The following CCDC7 variants were observed in gnomAD, a reference collection of about 807,000 sequenced individuals.
CCDC7 encodes the protein coiled-coil domain-containing protein 7.
CCDC7 carries 183 observed loss-of-function variants against 196.9 expected under a neutral mutation model. The observed-to-expected ratio is 0.93, with a 90% CI of 0.82 to 1.05. The LOEUF (loss-of-function observed/expected upper bound fraction) is 1.05. Among genes scored for constraint, CCDC7 ranks in the 50% least tolerant of loss-of-function variants. The pLI is 0.00. For missense variants in CCDC7, 1,540 were observed against 1,482.2 expected, an observed-to-expected ratio of 1.04 and a Z score of -0.64; for synonymous variants, 525 against 484.6, an observed-to-expected ratio of 1.08 and a Z score of -1.10.
chr10:32,880,861 G>C (rs911120485), downstream of CCDC7, among the ~76,000 whole-genome samples: 1 of 152,050 alleles, frequency 6.6e-6, no homozygotes, highest in African/African-American at 2.4e-5. Flanking sequence ...TGTGGTCTTA[G>C]TTCTGAGCTC....
At chr10:32,544,408 G>A in intron 13 of CCDC7, 107 bp downstream of exon 14, 1 of 1,103,976 alleles carries the variant, frequency 9.1e-7, no homozygotes, top group Non-Finnish European at 1.2e-6. Context: ...ATATATGTCT[G>A]TGTGTGTGTA....
chr10:32,697,304 C>T (rs1030835740), intron 24 of CCDC7, among the ~76,000 whole-genome samples: 20 of 152,160 alleles, frequency 1.3e-4, no homozygotes, highest in East Asian at 3.9e-4. Context: ...ACTGAGGTAC[C>T]GAGTTCATCT....
Position 32,596,300 on chromosome 10 carries a change from G to C in CCDC7, c.1801+11996G>C, listed in dbSNP as rs1002251917. Among the ~76,000 whole-genome samples the C allele has an allele frequency of 2.0e-5, 3 of 152,072 alleles. No homozygotes were observed. In the South Asian group the frequency reaches 6.2e-4, roughly 32 times the overall value. On this transcript the variant is annotated intron_variant, in intron 18 of 41. Coordinates refer to ENST00000639629, the Ensembl canonical transcript of CCDC7. ...TTACCATTATGTAACGGCCTTCTTTGTCTCTTTTTATCTTTGTTGGTTTAA... is the reference window on the plus strand; with the variant it reads ...TTACCATTATGTAACGGCCTTCTTTCTCTCTTTTTATCTTTGTTGGTTTAA...
intron 28 of CCDC7, among the ~76,000 whole-genome samples, chr10:32,754,144 G>A (rs7098797): frequency 0.14 from 21,802 of 151,990 alleles, 1,910 homozygotes; most frequent in African/African-American, 0.25. Context: ...GATACAACAC[G>A]ATTATTACTT....
chr10:32,782,314 G>A (rs914498141), intron 29 of CCDC7, among the ~76,000 whole-genome samples: 2 of 151,310 alleles, frequency 1.3e-5, no homozygotes, highest in Admixed American at 1.3e-4. Context: ...TGCAACCTCC[G>A]CCTCCCAGGT....
chr10:32,845,717 T>A, intron 35 of CCDC7, 91 bp downstream of exon 36: 1 of 1,213,060 alleles, frequency 8.2e-7, no homozygotes, highest in South Asian at 1.3e-5. Flanking sequence ...CAATAGTACC[T>A]ATATGTTGGT....
chr10:32,812,078 C>T (rs543175463), intron 30 of CCDC7, among the ~76,000 whole-genome samples: 144 of 152,114 alleles, frequency 9.5e-4, no homozygotes, highest in Admixed American at 3.1e-3. Context: ...TAATAAAGTC[C>T]ATATATGACA....
At chr10:32,850,351 T>A (rs2136252829) in intron 39 of CCDC7, among the ~76,000 whole-genome samples, 1 of 152,280 alleles carries the variant, frequency 6.6e-6, no homozygotes, top group East Asian at 1.9e-4. Context: ...TGGCTGCATG[T>A]TTCTCATCAT....
At chr10:32,823,458 A>G (rs1448328626) in intron 31 of CCDC7, among the ~76,000 whole-genome samples, 1 of 152,094 alleles carries the variant, frequency 6.6e-6, no homozygotes, top group Non-Finnish European at 1.5e-5. Context: ...GCATTTTTAC[A>G]ATGATGTGTA....
chr10:32,795,564 TG>T (rs1161106373), intron 29 of CCDC7, among the ~76,000 whole-genome samples: 2 of 152,180 alleles, frequency 1.3e-5, no homozygotes, highest in Non-Finnish European at 2.9e-5. Flanking sequence ...CATCAGTCAT[TG>T]TTTTTTTGCT....
At chr10:32,821,853 T>G (rs1350685852) in intron 31 of CCDC7, among the ~76,000 whole-genome samples, 1 of 152,134 alleles carries the variant, frequency 6.6e-6, no homozygotes, top group Non-Finnish European at 1.5e-5. Context: ...GAGATATACC[T>G]AATGTTAAAT....
chr10:32,842,949 G>A (rs1010922028), intron 33 of CCDC7, among the ~76,000 whole-genome samples: 4 of 151,792 alleles, frequency 2.6e-5, no homozygotes, highest in Admixed American at 2.6e-4. Context: ...GAAAGAGTAG[G>A]GGGGGCAAGG....
chr10:32,483,605 C>T (rs2040411044), intron 8 of CCDC7, among the ~76,000 whole-genome samples: 1 of 152,164 alleles, frequency 6.6e-6, no homozygotes, highest in African/African-American at 2.4e-5. Context: ...CCTAGGTTTT[C>T]TTCTAGGGTT....
chr10:32,694,395 G>A (rs987246940), intron 23 of CCDC7, among the ~76,000 whole-genome samples: 1 of 152,138 alleles, frequency 6.6e-6, no homozygotes, highest in South Asian at 2.1e-4. Flanking sequence ...TTTGCCTACG[G>A]CAAAATGGGT....
chr10:32,545,775 A>T (rs1589727693), intron 13 of CCDC7, among the ~76,000 whole-genome samples: 1 of 152,148 alleles, frequency 6.6e-6, no homozygotes, highest in African/African-American at 2.4e-5. Flanking sequence ...GCATGGTGGC[A>T]CGTGCCTGCA....
intron 20 of CCDC7, among the ~76,000 whole-genome samples, chr10:32,636,617 C>G (rs1305725174): frequency 6.6e-6 from 1 of 152,148 alleles, no homozygotes; most frequent in East Asian, 1.9e-4. Flanking sequence ...TTTTCTTAAC[C>G]CAGTCTATCA....
intron 11 of CCDC7, among the ~76,000 whole-genome samples, chr10:32,522,215 C>T (rs113624124): frequency 1.8e-4 from 27 of 152,098 alleles, no homozygotes; most frequent in African/African-American, 5.8e-4. Flanking sequence ...AGTATTCCCT[C>T]CTCTAGTATT....
chr10:32,446,350 C>T (rs1278534750), exon 1 of CCDC7: 1 of 152,288 alleles, frequency 6.6e-6, no homozygotes, highest in Admixed American at 6.5e-5. Context: ...ACCTTAGAGC[C>T]AGCAAGGCCA....
At chr10:32,471,898 A>T (rs2038031114) in intron 6 of CCDC7, among the ~76,000 whole-genome samples, 1 of 152,176 alleles carries the variant, frequency 6.6e-6, no homozygotes, top group African/African-American at 2.4e-5. Flanking sequence ...ATTAAGGTTT[A>T]GACCATATTC....
Sources: gnomAD v4.1 joint callset for allele counts (sites outside exome capture counted in the v4.1 genomes callset) on GRCh38, gnomAD v4.1.1 for gene constraint, MANE v1.5 for transcripts, NCBI Gene and HGNC (gene_info 2026-07-23, HGNC 2026-07-21) for gene names.